The following PKIB variants were observed in gnomAD, a reference collection of about 807,000 sequenced individuals.
The protein encoded by PKIB is cAMP-dependent protein kinase inhibitor beta.
Under a neutral mutation model 4.5 loss-of-function variants are expected in PKIB, and 2 were observed. The observed-to-expected ratio is 0.44, with a 90% CI of 0.18 to 1.39. PKIB has a LOEUF of 1.39. Ranked by LOEUF, PKIB falls within the 40% of genes most tolerant of loss-of-function variation. The pLI is 0.27. For missense variants in PKIB, 94 were observed against 92.6 expected (o/e 1.02, Z -0.06); for synonymous variants, 38 against 36.0 (o/e 1.06, Z -0.20).
intron 2 of PKIB, among the ~76,000 whole-genome samples, chr6:122,578,403 C>T (rs185615589): frequency 2.6e-5 from 4 of 152,088 alleles, no homozygotes; most frequent in Admixed American, 6.5e-5. Context: ...TTGAATTCTA[C>T]GTGTTCAAAA....
intron 3 of PKIB, among the ~76,000 whole-genome samples, chr6:122,711,870 G>T (rs1439433089): frequency 6.6e-6 from 1 of 152,068 alleles, no homozygotes; most frequent in African/African-American, 2.4e-5. Context: ...TAACTTCCAT[G>T]TGCCTACCAA....
At chr6:122,572,032 A>G (rs940846066) in intron 2 of PKIB, among the ~76,000 whole-genome samples, 2 of 152,136 alleles carry the variant, frequency 1.3e-5, no homozygotes, top group East Asian at 3.9e-4. Context: ...ACTCATGGTT[A>G]AGGGGTGGAA....
chr6:122,505,427 T>C (rs1437705953), intron 2 of PKIB, among the ~76,000 whole-genome samples: 3 of 152,164 alleles, frequency 2.0e-5, no homozygotes, highest in East Asian at 3.8e-4. Context: ...AAAACTGTCA[T>C]TGTTATTATG....
At chr6:122,491,276 T>C (rs573093462) in intron 2 of PKIB, among the ~76,000 whole-genome samples, 3 of 152,240 alleles carry the variant, frequency 2.0e-5, no homozygotes, top group Admixed American at 2.0e-4. Flanking sequence ...GCATGCTCAC[T>C]TGAGGCATTC....
chr6:122,652,312 GTGTGTGTGTGTGTGTGTGTGTGGA>G (rs1353619300), intron 2 of PKIB, among the ~76,000 whole-genome samples: 4 of 122,602 alleles, frequency 3.3e-5, no homozygotes, highest in Non-Finnish European at 4.9e-5. Context: ...GTGTGTGTGT[GTGTGTGTGTGTGTGTGTGTGTGGA>G]GAGAGAGAGA....
intron 2 of PKIB, among the ~76,000 whole-genome samples, chr6:122,528,340 C>G (rs1582677810): frequency 2.0e-5 from 3 of 152,214 alleles, no homozygotes; most frequent in South Asian, 4.1e-4. Context: ...TTTATCCATT[C>G]AGTCAATCTC....
chr6:122,505,450 T>G (rs1388058457), intron 2 of PKIB, among the ~76,000 whole-genome samples: 1 of 152,212 alleles, frequency 6.6e-6, no homozygotes, highest in African/African-American at 2.4e-5. Context: ...TTGTTTGTGG[T>G]GTCTGGTCTC....
At chr6:122,491,645 T>G (rs1450255970) in intron 2 of PKIB, among the ~76,000 whole-genome samples, 1 of 152,222 alleles carries the variant, frequency 6.6e-6, no homozygotes, top group Non-Finnish European at 1.5e-5. Flanking sequence ...TCCTCACTAC[T>G]GGTGCAACAA....
intron 2 of PKIB, among the ~76,000 whole-genome samples, chr6:122,641,822 T>C (rs1776131603): frequency 6.6e-6 from 1 of 152,186 alleles, no homozygotes; most frequent in Non-Finnish European, 1.5e-5. Flanking sequence ...GCCTCCCGAG[T>C]AGCTGGGACT....
chr6:122,519,172 C>T (rs895083469), intron 2 of PKIB, among the ~76,000 whole-genome samples: 1 of 152,064 alleles, frequency 6.6e-6, no homozygotes, highest in African/African-American at 2.4e-5. Flanking sequence ...AGATCAGCAG[C>T]TCCTAGAGTC....
chr6:122,568,740 T>G (rs1039991976), intron 2 of PKIB, among the ~76,000 whole-genome samples: 1 of 152,110 alleles, frequency 6.6e-6, no homozygotes. Context: ...AACCCAGGGT[T>G]GGAAGTGGGG....
intron 3 of PKIB, among the ~76,000 whole-genome samples, chr6:122,689,095 C>A (rs951015479): frequency 4.1e-4 from 63 of 152,004 alleles, no homozygotes; most frequent in African/African-American, 1.5e-3. Flanking sequence ...CTTTCAATTT[C>A]TCTGGTATTG....
intron 2 of PKIB, among the ~76,000 whole-genome samples, chr6:122,573,555 GA>G (rs1446154013): frequency 6.9e-6 from 1 of 145,038 alleles, no homozygotes; most frequent in Non-Finnish European, 1.5e-5. Flanking sequence ...AAAAAAAAAA[GA>G]AGAAAAAAGA....
chr6:122,472,454 AT>A (rs34048842), intron 1 of PKIB, among the ~76,000 whole-genome samples: 1 of 29,682 alleles, frequency 3.4e-5, no homozygotes, highest in Non-Finnish European at 7.1e-5. Context: ...AAACTCAAAC[AT>A]TGATTTCGAA....
At chr6:122,664,080 T>C (rs560932520) in intron 2 of PKIB, among the ~76,000 whole-genome samples, 2 of 152,344 alleles carry the variant, frequency 1.3e-5, no homozygotes, top group Admixed American at 6.5e-5. Context: ...TGTCAACTAG[T>C]GCAGTATGAT....
rs536939857 is a variant in PKIB, at chr6:122,678,969, C to T, written c.-9+3825C>T. Among the ~76,000 whole-genome samples the T allele has an allele frequency of 1.2e-4, 18 of 152,314 alleles. No individual in the cohort carries two copies. In the South Asian group the frequency reaches 3.7e-3, roughly 32 times the overall value. On this transcript the variant is annotated intron_variant, in intron 3 of 4. Transcript: ENST00000368452. ...ATGGAGGAAGAGGGACACTGCAACACGTGGCGGGAGGCCTGTGTCTTCTCA... is the reference window on the plus strand; with the variant it reads ...ATGGAGGAAGAGGGACACTGCAACATGTGGCGGGAGGCCTGTGTCTTCTCA...
rs1017758095 is a variant in PKIB, at chr6:122,560,489, C to G, written c.-247-25432C>G. On this transcript the variant is annotated intron_variant, in intron 2 of 6. Coordinates refer to the PKIB transcript ENST00000392491. ...ATCAGTGTTCATCAAAGATATCAGT[C>G]TGTAGTTTTCTTTTTTGGTTATGTC... is the stretch of plus-strand genomic sequence containing the variant. Among the ~76,000 whole-genome samples, 3 of 151,992 alleles carry G rather than the reference C, an allele frequency of 2.0e-5. 1 individual carries two copies. Among genetic ancestry groups the G allele is most frequent in the Non-Finnish European group, 4.4e-5 (3 of 67,986 alleles).
At chr6:122,497,497 C>T (rs1045899628) in intron 2 of PKIB, among the ~76,000 whole-genome samples, 11 of 152,142 alleles carry the variant, frequency 7.2e-5, no homozygotes, top group African/African-American at 2.7e-4. Flanking sequence ...CATGTAACGA[C>T]ACCCATAGTC....
intron 2 of PKIB, among the ~76,000 whole-genome samples, chr6:122,571,287 C>A (rs913204325): frequency 1.2e-4 from 18 of 152,116 alleles, no homozygotes; most frequent in Middle Eastern, 3.4e-3. Context: ...AATTGATGTT[C>A]CTGAGGGGGA....
Sources: allele counts gnomAD v4.1 joint callset (sites outside exome capture counted in the v4.1 genomes callset), GRCh38; gene constraint gnomAD v4.1.1; transcripts MANE v1.5; gene names NCBI Gene and HGNC (gene_info 2026-07-23, HGNC 2026-07-21).